RPH3A: variants seen among roughly 807,000 people sequenced by gnomAD.
The protein encoded by RPH3A is rabphilin 3A.
Under a neutral mutation model 102.2 loss-of-function variants are expected in RPH3A, and 48 were observed. The ratio of observed to expected loss-of-function variants is 0.47; its 90% CI spans 0.37 to 0.60. RPH3A has a LOEUF of 0.60. Ranked by LOEUF, RPH3A falls within the 20% of genes least tolerant of loss-of-function variation. The pLI is 0.00. For missense variants in RPH3A, 781 were observed against 910.1 expected (o/e 0.86, Z 1.83); for synonymous variants, 310 against 324.3 (o/e 0.96, Z 0.47).
intron 1 of RPH3A, among the ~76,000 whole-genome samples, chr12:112,744,159 T>C (rs539126529): frequency 1.2e-4 from 19 of 152,276 alleles, no homozygotes; most frequent in Middle Eastern, 3.4e-3. Flanking sequence ...CACTGAAACC[T>C]CTGTCTCCCA....
In RPH3A at chr12:112,856,818, A is replaced by G. The variant is rs558361619; in HGVS notation, c.231-8596A>G. On this transcript the variant is annotated intron_variant, in intron 5 of 21. Transcript: ENST00000389385. ...ATGTTCCGGGCATTTTACAAACACT[A>G]TCTCATTTTATCTTTGCAACAATCC... 2.0e-5 allele frequency among the ~76,000 whole-genome samples: 3 copies of G among 152,348 alleles called. No homozygotes were observed. In the East Asian group the frequency reaches 5.8e-4, roughly 29 times the overall value.
chr12:112,804,255 C>T (rs2189476), intron 2 of RPH3A, among the ~76,000 whole-genome samples: 5,232 of 152,152 alleles, frequency 0.034, 311 homozygotes, highest in African/African-American at 0.12. Flanking sequence ...GTGGGTCCAC[C>T]GGGCCAACCA....
chr12:112,732,481 T>G (rs2136049634), intron 1 of RPH3A, among the ~76,000 whole-genome samples: 1 of 152,354 alleles, frequency 6.6e-6, no homozygotes, highest in South Asian at 2.1e-4. Context: ...TACATGTGAA[T>G]GCTCTGGGCA....
chr12:112,609,205 G>A (rs1249547985), intron 1 of RPH3A, among the ~76,000 whole-genome samples: 4 of 152,080 alleles, frequency 2.6e-5, no homozygotes, highest in Non-Finnish European at 5.9e-5. Flanking sequence ...TCAAGTAGCT[G>A]GGATTACAAG....
At chr12:112,824,656 G>C (rs1360207628) in intron 2 of RPH3A, among the ~76,000 whole-genome samples, 1 of 152,154 alleles carries the variant, frequency 6.6e-6, no homozygotes, top group East Asian at 1.9e-4. Flanking sequence ...TCCAATCCTG[G>C]GATGTTAAGT....
At chr12:112,748,136 C>A (rs540688130) in intron 1 of RPH3A, among the ~76,000 whole-genome samples, 1 of 152,284 alleles carries the variant, frequency 6.6e-6, no homozygotes, top group African/African-American at 2.4e-5. Flanking sequence ...CATCTGGGTG[C>A]CTGCATGAAT....
intron 1 of RPH3A, among the ~76,000 whole-genome samples, chr12:112,739,229 G>A (rs2040690700): frequency 6.6e-6 from 1 of 152,166 alleles, no homozygotes; most frequent in South Asian, 2.1e-4. Flanking sequence ...AAATCTGTAG[G>A]TTACATAATG....
intron 1 of RPH3A, among the ~76,000 whole-genome samples, chr12:112,670,833 T>C (rs2040123341): frequency 6.6e-6 from 1 of 152,212 alleles, no homozygotes; most frequent in African/African-American, 2.4e-5. Flanking sequence ...ACACCATCAC[T>C]TTCATGACAC....
chr12:112,627,454 T>A (rs1274271270), intron 1 of RPH3A, among the ~76,000 whole-genome samples: 1 of 150,430 alleles, frequency 6.6e-6, no homozygotes, highest in Non-Finnish European at 1.5e-5. Flanking sequence ...TGATTACATA[T>A]CATATAATAT....
intron 1 of RPH3A, among the ~76,000 whole-genome samples, chr12:112,700,356 T>A (rs1193888597): frequency 1.3e-5 from 2 of 152,196 alleles, no homozygotes; most frequent in African/African-American, 2.4e-5. Flanking sequence ...TAATGATTTT[T>A]AAGATATTAT....
At chr12:112,669,624 C>T (rs1226439018) in intron 1 of RPH3A, among the ~76,000 whole-genome samples, 2 of 152,170 alleles carry the variant, frequency 1.3e-5, no homozygotes, top group African/African-American at 4.8e-5. Flanking sequence ...TTTTCTTGGC[C>T]TACTTTCAGA....
chr12:112,851,879 A>C (rs2042329529), intron 5 of RPH3A, among the ~76,000 whole-genome samples: 1 of 152,244 alleles, frequency 6.6e-6, no homozygotes, highest in African/African-American at 2.4e-5. Context: ...TATATTAGTT[A>C]GGACACTTTG....
intron 19 of RPH3A, chr12:112,892,860 T>C (rs1261895785): frequency 1.3e-5 from 2 of 152,228 alleles, no homozygotes; most frequent in Admixed American, 1.3e-4. Flanking sequence ...AAGCAATACT[T>C]CCCTTTAGTC....
chr12:112,865,209 G>A (rs2042587811), intron 5 of RPH3A, among the ~76,000 whole-genome samples: 1 of 152,220 alleles, frequency 6.6e-6, no homozygotes, highest in Admixed American at 6.5e-5. Flanking sequence ...ACTTTGAGGG[G>A]TGTGGGAGGG....
rs572115931 is a variant in RPH3A, at chr12:112,882,685, C to T, written c.1327-608C>T. On this transcript the variant is annotated intron_variant, in intron 15 of 21. Transcript: ENST00000389385. ...ATTATGAAGTGTTTGGCCCCTGCTC[C>T]TCCTCACTCCCCAGTGATGTTTGCT... is the stretch of plus-strand genomic sequence containing the variant. 4.6e-5 allele frequency among the ~76,000 whole-genome samples: 7 copies of T among 152,352 alleles called. 1 individual carries two copies. The South Asian group carries it at 1.4e-3, about 32-fold the overall frequency.
At chr12:112,665,196 C>T (rs1773729776) in intron 1 of RPH3A, among the ~76,000 whole-genome samples, 9 of 152,184 alleles carry the variant, frequency 5.9e-5, no homozygotes, top group Admixed American at 5.9e-4. Flanking sequence ...GTCCATATCA[C>T]AGGCTTTGCT....
chr12:112,698,278 A>G (rs976173107), intron 1 of RPH3A, among the ~76,000 whole-genome samples: 2 of 152,224 alleles, frequency 1.3e-5, no homozygotes, highest in Non-Finnish European at 2.9e-5. Context: ...AGAAACCTAA[A>G]TGTAAAACCT....
chr12:112,786,016 A>T (rs2041047652), intron 1 of RPH3A, among the ~76,000 whole-genome samples: 6 of 151,614 alleles, frequency 4.0e-5, no homozygotes, highest in Admixed American at 4.0e-4. Flanking sequence ...GCTTCAGGAG[A>T]TGAGCGGGGA....
At chr12:112,615,973 G>T (rs533063940) in intron 1 of RPH3A, among the ~76,000 whole-genome samples, 1 of 152,226 alleles carries the variant, frequency 6.6e-6, no homozygotes, top group African/African-American at 2.4e-5. Flanking sequence ...TCTGGATCTT[G>T]TCCCTAGGAC....
Sources: gnomAD v4.1 joint callset for allele counts (sites outside exome capture counted in the v4.1 genomes callset) on GRCh38, gnomAD v4.1.1 for gene constraint, MANE v1.5 for transcripts, NCBI Gene and HGNC (gene_info 2026-07-23, HGNC 2026-07-21) for gene names.